Variants in LRRC7 observed in about 807,000 individuals in gnomAD.
LRRC7 encodes the protein leucine rich repeat containing 7.
Under a neutral mutation model 175.7 loss-of-function variants are expected in LRRC7, and 23 were observed. The observed-to-expected ratio is 0.13, with a 90% CI of 0.09 to 0.19. The LOEUF (loss-of-function observed/expected upper bound fraction) is 0.19. Ranked by LOEUF, LRRC7 falls within the 10% of genes least tolerant of loss-of-function variation. The pLI, the probability that LRRC7 is intolerant of heterozygous loss-of-function variation, is 1.00. For synonymous variants in LRRC7, 685 were observed against 680.9 expected, an observed-to-expected ratio of 1.01 and a Z score of -0.09; for missense variants, 1,354 against 1,904.7, an observed-to-expected ratio of 0.71 and a Z score of 5.38.
chr1:70,108,434 A>G (rs576797608), intron 26 of LRRC7, among the ~76,000 whole-genome samples: 2 of 152,260 alleles, frequency 1.3e-5, no homozygotes, highest in Non-Finnish European at 2.9e-5. Flanking sequence ...CATTTATTTG[A>G]CTTTTTTTGT....
At chr1:69,878,470 G>A (rs1157858547) in intron 7 of LRRC7, among the ~76,000 whole-genome samples, 1 of 152,156 alleles carries the variant, frequency 6.6e-6, no homozygotes, top group African/African-American at 2.4e-5. Context: ...ACTGATTTAA[G>A]AATGCTTGTT....
rs1220948321 is a variant in LRRC7, at chr1:70,124,329, C to T, written c.*2442C>T. On this transcript the variant is annotated 3_prime_UTR_variant, in exon 27 of 27. Transcript: ENST00000651989. ...CACTTGAGGTCAGTTCAAGACCAGC[C>T]TGGCCAACATGGTGAAACGCCATCT... 6.6e-6 allele frequency among the ~76,000 whole-genome samples: 1 copy of T among 152,088 alleles called. No homozygotes were observed. The highest frequency in any genetic ancestry group is 2.4e-5 in the African/African-American group (1 of 41,412).
rs138657732 is a variant in LRRC7, at chr1:70,089,747, G to A, written c.4473G>A (p.Lys1491=). ...CATAGTTTTGTGTGAGAATAGAAAA[G>A]AATCCTGGCCTTGGATTTAGTATCA... is the stretch of plus-strand genomic sequence containing the variant. ...YPEQFCVRIE[K]NPGLGFSISG... is the part of the protein sequence containing the mutation. Residue 1491 remains lysine, a synonymous_variant, in exon 25 of 27, where the codon AAG becomes AAA. Coordinates refer to ENST00000651989, the MANE Select transcript of LRRC7 (RefSeq NM_001370785.2). The A allele has an allele frequency of 3.7e-6, 6 of 1,608,712 alleles. No individual in the cohort carries two copies. The African/African-American group carries it at 8.0e-5, about 22-fold the overall frequency.
In LRRC7 at chr1:69,568,596, G is replaced by C. The variant is rs1646416117; in HGVS notation, c.-44G>C. The C allele has an allele frequency of 7.4e-7, 1 of 1,349,936 alleles. No individual in the cohort carries two copies. Among genetic ancestry groups the C allele is most frequent in the Non-Finnish European group, 9.9e-7 (1 of 1,015,126 alleles). 83.6% of individuals were successfully genotyped at this position (1,349,936 alleles called of 1,614,324 possible). A position where few individuals can be genotyped will look rare whatever the true frequency, so the allele number is the denominator to read the frequency against. Reference sequence around the variant, plus strand: ...AAGGAATAACCCTTGGCAGCTGCACGACTACGCTCTCCGAAACCTCATGGG... The same window carrying C: ...AAGGAATAACCCTTGGCAGCTGCACCACTACGCTCTCCGAAACCTCATGGG... On this transcript the variant is annotated 5_prime_UTR_variant, in exon 1 of 27. Transcript: ENST00000651989.
chr1:69,793,594 G>A (rs1385214761), intron 4 of LRRC7, among the ~76,000 whole-genome samples: 2 of 151,712 alleles, frequency 1.3e-5, no homozygotes, highest in South Asian at 4.2e-4. Flanking sequence ...TTAAAAATAA[G>A]ATACTGATAT....
intron 10 of LRRC7, among the ~76,000 whole-genome samples, chr1:69,988,257 A>G (rs1184991111): frequency 6.6e-6 from 1 of 152,188 alleles, no homozygotes; most frequent in Admixed American, 6.5e-5. Context: ...CTGTTTGAAC[A>G]CTTAGTAAAT....
At position 69,593,930 on chromosome 1, in the gene LRRC7, G is replaced by C. The variant is rs545785049; in HGVS notation, c.2+25289G>C. On this transcript the variant is annotated intron_variant, in intron 1 of 26. Transcript: ENST00000651989. ...ACTCCCTTAACACAATCTATCCCTA[G>C]GCAGTATCTCCTGAGTCTTTGCCAC... Among the ~76,000 whole-genome samples the C allele has an allele frequency of 5.9e-5, 9 of 152,152 alleles. No individual in the cohort carries two copies. The East Asian group carries it at 1.8e-3, about 30-fold the overall frequency.
At chr1:69,667,870 A>G (rs907315343) in intron 1 of LRRC7, among the ~76,000 whole-genome samples, 2 of 151,790 alleles carry the variant, frequency 1.3e-5, no homozygotes, top group South Asian at 2.1e-4. Flanking sequence ...TTGTTTTGTC[A>G]TCTTCTCCTC....
At chr1:70,093,074 A>T (rs894578737) in intron 25 of LRRC7, among the ~76,000 whole-genome samples, 2 of 152,138 alleles carry the variant, frequency 1.3e-5, no homozygotes, top group East Asian at 3.9e-4. Context: ...CTGCTTTTAC[A>T]TACTTGGAAA....
chr1:69,678,294 T>C, intron 1 of LRRC7, 87 bp from the exon 2 acceptor site: 1 of 948,092 alleles, frequency 1.1e-6, no homozygotes, highest in South Asian at 1.5e-5. Context: ...CAAAGTTCTG[T>C]GGGAATTTGA....
intron 8 of LRRC7, among the ~76,000 whole-genome samples, chr1:69,954,852 C>A (rs974468208): frequency 1.1e-4 from 16 of 152,040 alleles, no homozygotes; most frequent in African/African-American, 3.1e-4. Context: ...TTCACTTGGG[C>A]ATTTACTCAT....
intron 25 of LRRC7, among the ~76,000 whole-genome samples, chr1:70,107,525 C>T (rs1418370065): frequency 6.6e-6 from 1 of 152,134 alleles, no homozygotes; most frequent in Non-Finnish European, 1.5e-5. Context: ...ATCATAATTG[C>T]ACTTTCAAAA....
At chr1:69,926,905 A>G (rs574957016) in intron 7 of LRRC7, among the ~76,000 whole-genome samples, 22 of 152,214 alleles carry the variant, frequency 1.4e-4, no homozygotes, top group African/African-American at 3.6e-4. Flanking sequence ...CGTAGCCTCA[A>G]TGGTCTTTAC....
rs1473280482 is a variant in LRRC7 at position 70,127,300 on chromosome 1, G to A, written c.*5413G>A. The stretch of plus-strand genomic sequence containing the variant: ...TCCTTACTTTCAACACTGCCTGCAA[G>A]AGAATGGTTTGGAAACACTCCCTGG... On this transcript the variant is annotated 3_prime_UTR_variant, in exon 27 of 27. Coordinates refer to ENST00000651989, the MANE Select transcript of LRRC7 (RefSeq NM_001370785.2). 6.6e-6 allele frequency among the ~76,000 whole-genome samples: 1 copy of A among 152,214 alleles called. No homozygotes were observed. The highest frequency in any genetic ancestry group is 1.5e-5 in the Non-Finnish European group (1 of 68,046).
At chr1:69,803,654 T>C (rs1369056810) in intron 4 of LRRC7, among the ~76,000 whole-genome samples, 1 of 151,492 alleles carries the variant, frequency 6.6e-6, no homozygotes, top group Non-Finnish European at 1.5e-5. Flanking sequence ...TTTGCGTCTT[T>C]ATTATAAAAT....
At chr1:69,635,829 T>C (rs1281522490) in intron 1 of LRRC7, among the ~76,000 whole-genome samples, 3 of 151,890 alleles carry the variant, frequency 2.0e-5, no homozygotes, top group Admixed American at 1.3e-4. Context: ...ATTACTGATG[T>C]TTTTTTAAAA....
chr1:69,597,263 C>G (rs1305693999), intron 1 of LRRC7, among the ~76,000 whole-genome samples: 1 of 152,012 alleles, frequency 6.6e-6, no homozygotes, highest in Admixed American at 6.6e-5. Flanking sequence ...GTTAGATAGA[C>G]CTGGGAATTA....
intron 8 of LRRC7, among the ~76,000 whole-genome samples, chr1:69,961,478 A>T (rs1651082724): frequency 6.6e-6 from 1 of 152,184 alleles, no homozygotes; most frequent in Non-Finnish European, 1.5e-5. Context: ...ACTAGAAAAA[A>T]CTATTTTAAA....
intron 2 of LRRC7, among the ~76,000 whole-genome samples, chr1:69,694,483 T>G (rs915266767): frequency 6.6e-6 from 1 of 152,184 alleles, no homozygotes; most frequent in Non-Finnish European, 1.5e-5. Flanking sequence ...TGAATTTCTG[T>G]TTCTCAGCTT....
Sources: gnomAD v4.1 joint callset for allele counts (sites outside exome capture counted in the v4.1 genomes callset) on GRCh38, gnomAD v4.1.1 for gene constraint, MANE v1.5 for transcripts, NCBI Gene and HGNC (gene_info 2026-07-23, HGNC 2026-07-21) for gene names.